The following SLC9A4 variants were observed in gnomAD, a reference collection of about 807,000 sequenced individuals.
The protein encoded by SLC9A4 is sodium/hydrogen exchanger 4.
SLC9A4 carries 63 observed loss-of-function variants against 67.4 expected under a neutral mutation model. The ratio of observed to expected loss-of-function variants is 0.93; its 90% confidence interval spans 0.76 to 1.15. The LOEUF (loss-of-function observed/expected upper bound fraction) is 1.15. Among genes scored for constraint, SLC9A4 ranks in the 50% most tolerant of loss-of-function variants. The pLI is 0.00. For synonymous variants in SLC9A4, 393 were observed against 367.2 expected, an observed-to-expected ratio of 1.07 and a Z score of -0.80; for missense variants, 1,089 against 987.7, an observed-to-expected ratio of 1.10 and a Z score of -1.38.
chr2:102,510,677 A>T (rs2104438776), intron 6 of SLC9A4, among the ~76,000 whole-genome samples: 1 of 152,326 alleles, frequency 6.6e-6, no homozygotes, highest in South Asian at 2.1e-4. Context: ...TAACATTCAA[A>T]ATTGTCCTGT....
intron 4 of SLC9A4, 86 bp downstream of exon 4, chr2:102,505,557 C>CT: frequency 1.5e-6 from 2 of 1,330,172 alleles, no homozygotes; most frequent in Non-Finnish European, 2.1e-6. Flanking sequence ...AACTGGAGGA[C>CT]TGAGTAGATG....
In SLC9A4 at chr2:102,510,170, G is replaced by C. The variant is rs74263635; in HGVS notation, c.1488+1237G>C. Among the ~76,000 whole-genome samples, 282 of 151,876 alleles carry C rather than the reference G, an allele frequency of 1.9e-3. 14 individuals are homozygous for C. The East Asian group carries it at 0.045, about 24-fold the overall frequency. On this transcript the variant is annotated intron_variant, in intron 6 of 11. Coordinates refer to ENST00000295269, the MANE Select transcript of SLC9A4 (RefSeq NM_001011552.4). The stretch of plus-strand genomic sequence containing the variant: ...CATCAGGGTTCAACAGAGAAGCAGA[G>C]CCAGTAGGATGGATGGATATAGATA...
At chr2:102,519,189 T>C (rs754944229) in intron 8 of SLC9A4, among the ~76,000 whole-genome samples, 1 of 152,196 alleles carries the variant, frequency 6.6e-6, no homozygotes, top group African/African-American at 2.4e-5. Context: ...TCACAGTGTA[T>C]AATATCTTAG....
At chr2:102,521,183 T>C (rs1208194449) in intron 9 of SLC9A4, among the ~76,000 whole-genome samples, 2 of 152,206 alleles carry the variant, frequency 1.3e-5, no homozygotes, top group Admixed American at 6.5e-5. Flanking sequence ...CCTATGTGGA[T>C]GAAGGCCAAG....
At chr2:102,486,102 C>G (rs1206278956) in intron 2 of SLC9A4, among the ~76,000 whole-genome samples, 1 of 152,196 alleles carries the variant, frequency 6.6e-6, no homozygotes. Flanking sequence ...GACCCTTACT[C>G]TATTACTTCT....
chr2:102,508,358 G>A (rs576197687), intron 5 of SLC9A4, 77 bp downstream of exon 5: 1 of 1,307,972 alleles, frequency 7.6e-7, no homozygotes, highest in South Asian at 1.5e-5. Context: ...TACAAATAAA[G>A]GCATTTTATC....
chr2:102,474,754 C>A (rs1000216993), intron 1 of SLC9A4, among the ~76,000 whole-genome samples: 1 of 152,154 alleles, frequency 6.6e-6, no homozygotes, highest in Non-Finnish European at 1.5e-5. Flanking sequence ...TCTTTAAAAC[C>A]AGCTTATTCT....
intron 2 of SLC9A4, among the ~76,000 whole-genome samples, chr2:102,491,970 C>A (rs146782542): frequency 1.6e-4 from 24 of 152,298 alleles, no homozygotes; most frequent in African/African-American, 5.5e-4. Context: ...GGCTACAGGC[C>A]CCATGCAAGT....
intron 7 of SLC9A4, among the ~76,000 whole-genome samples, 156 bp from the exon 8 acceptor site, chr2:102,513,934 T>A (rs1046832397): frequency 1.7e-4 from 26 of 152,226 alleles, no homozygotes; most frequent in African/African-American, 3.6e-4. Context: ...TGAATTTTTT[T>A]AAAAAATGTG....
At position 102,478,230 on chromosome 2, in the gene SLC9A4, G is replaced by T. The variant is rs553360777; in HGVS notation, c.257-609G>T. On this transcript the variant is annotated intron_variant, in intron 1 of 11. Coordinates refer to ENST00000295269, the MANE Select transcript of SLC9A4 (RefSeq NM_001011552.4). ...AAATAAAGGCAGTGGCCAAAGAAATGGAGAGGAGGGGATAGATTTTAGGTG... is the reference window on the plus strand; with the variant it reads ...AAATAAAGGCAGTGGCCAAAGAAATTGAGAGGAGGGGATAGATTTTAGGTG... Among the ~76,000 whole-genome samples the T allele has an allele frequency of 3.4e-4, 52 of 152,286 alleles. No homozygotes were observed. The Middle Eastern group carries it at 0.01, about 30-fold the overall frequency.
chr2:102,482,932 C>G (rs566697992), intron 2 of SLC9A4, among the ~76,000 whole-genome samples: 32 of 152,200 alleles, frequency 2.1e-4, no homozygotes, highest in Admixed American at 5.9e-4. Flanking sequence ...ACTCCTTCCT[C>G]GAGCTTGAGA....
chr2:102,490,331 A>G (rs888839867), intron 2 of SLC9A4, among the ~76,000 whole-genome samples: 2 of 152,246 alleles, frequency 1.3e-5, no homozygotes, highest in African/African-American at 4.8e-5. Context: ...TTATTCTTTC[A>G]CATTATGGAG....
At chr2:102,493,271 G>T (rs539293088) in intron 2 of SLC9A4, among the ~76,000 whole-genome samples, 2 of 149,522 alleles carry the variant, frequency 1.3e-5, no homozygotes, top group African/African-American at 5.1e-5. Flanking sequence ...TATCCTTATA[G>T]TAGTACCCCA....
Position 102,508,147 on chromosome 2 carries a change from A to G in SLC9A4, c.1267A>G (p.Ile423Val), listed in dbSNP as rs768227601. The G allele has an allele frequency of 6.2e-6, 10 of 1,614,090 alleles. No individual in the cohort carries two copies. In the African/African-American group the frequency reaches 1.2e-4, roughly 19 times the overall value. Residue 423 changes from isoleucine to valine, a missense_variant, in exon 5 of 12, where the codon ATC becomes GTC. Transcript: ENST00000295269. Reference sequence around the variant, plus strand: ...CCCCTTCTCCATCAAGGACCAGTGCATCATTTTCTACAGTGGTGTTCGAGG... The same window carrying G: ...CCCCTTCTCCATCAAGGACCAGTGCGTCATTTTCTACAGTGGTGTTCGAGG... ...TFPFSIKDQC[I>V]IFYSGVRGAG...
Position 102,473,882 on chromosome 2 carries a change from A to C in SLC9A4, c.123A>C (p.Ala41=), listed in dbSNP as rs975470865. The C allele has an allele frequency of 5.0e-6, 8 of 1,614,014 alleles. No homozygotes were observed. Among genetic ancestry groups the C allele is most frequent in the Non-Finnish European group, 6.8e-6 (8 of 1,179,974 alleles). ...CTGCAAATTCCACTGCTCAGTATGCATCTAACGCTTGGTTTGCTGCTGCCA... is the reference window on the plus strand; with the variant it reads ...CTGCAAATTCCACTGCTCAGTATGCCTCTAACGCTTGGTTTGCTGCTGCCA... ...NESANSTAQY[A]SNAWFAAASS... The change falls in exon 1 of 12, where the codon GCA becomes GCC. Residue 41 remains alanine (A), a synonymous_variant. Transcript: ENST00000295269.
chr2:102,494,987 A>T (rs1231302766), intron 2 of SLC9A4, among the ~76,000 whole-genome samples: 1 of 152,084 alleles, frequency 6.6e-6, no homozygotes, highest in East Asian at 1.9e-4. Context: ...ACCTTGCCCT[A>T]ATTCCTATTC....
At chr2:102,500,308 A>C (rs1382501931) in intron 2 of SLC9A4, among the ~76,000 whole-genome samples, 1 of 152,102 alleles carries the variant, frequency 6.6e-6, no homozygotes, top group African/African-American at 2.4e-5. Context: ...GCCCTCCCCT[A>C]ACGCCTTCAG....
Position 102,532,576 on chromosome 2 carries a change from G to A in SLC9A4, c.2285G>A (p.Gly762Glu). 4 of 1,614,080 alleles carry A rather than the reference G, an allele frequency of 2.5e-6. No individual in the cohort carries two copies. Among genetic ancestry groups the A allele is most frequent in the Non-Finnish European group, 3.4e-6 (4 of 1,179,988 alleles). Reference protein sequence around the residue: ...HAVDEEGESGGESEGKASLVE... With the variant: ...HAVDEEGESGEESEGKASLVE... ...GTGGATGAGGAGGGTGAGTCTGGAG[G>A]GGAGAGTGAGGGCAAGGCCTCTTTG... Residue 762 changes from glycine to glutamate, a missense_variant, in exon 12 of 12, where the codon GGG (glycine) becomes GAG (glutamate). Coordinates refer to ENST00000295269, the MANE Select transcript of SLC9A4 (RefSeq NM_001011552.4).
intron 2 of SLC9A4, among the ~76,000 whole-genome samples, chr2:102,487,264 A>G (rs1230666946): frequency 6.6e-6 from 1 of 152,086 alleles, no homozygotes; most frequent in Non-Finnish European, 1.5e-5. Context: ...AGATGCAGCA[A>G]CCACTATAGC....
Sources: gnomAD v4.1 joint callset for allele counts (sites outside exome capture counted in the v4.1 genomes callset) on GRCh38, gnomAD v4.1.1 for gene constraint, MANE v1.5 for transcripts, NCBI Gene and HGNC (gene_info 2026-07-23, HGNC 2026-07-21) for gene names.